Variants in FSD1L observed in about 807,000 individuals in gnomAD.
FSD1L encodes the protein FSD1-like protein.
Under a neutral mutation model 71.6 loss-of-function variants are expected in FSD1L, and 45 were observed. The observed-to-expected ratio is 0.63, with a 90% CI of 0.49 to 0.81. The LOEUF (loss-of-function observed/expected upper bound fraction) is 0.81, where lower values mean the gene tolerates loss of function less well. FSD1L is among the 30% of genes least tolerant of loss of function. The pLI is 0.00. For missense variants in FSD1L, 561 were observed against 618.1 expected, an observed-to-expected ratio of 0.91 and a Z score of 0.98; for synonymous variants, 197 against 207.2, an observed-to-expected ratio of 0.95 and a Z score of 0.42.
At chr9:105,538,392 A>G (rs1304660838) in intron 12 of FSD1L, among the ~76,000 whole-genome samples, 3 of 152,162 alleles carry the variant, frequency 2.0e-5, no homozygotes, top group Admixed American at 1.3e-4. Context: ...TTGATTTATT[A>G]AGGAAGCATT....
chr9:105,494,450 C>G (rs1833201880), intron 7 of FSD1L, among the ~76,000 whole-genome samples: 1 of 152,162 alleles, frequency 6.6e-6, no homozygotes, highest in Non-Finnish European at 1.5e-5. Flanking sequence ...GTTTGAATTT[C>G]CTCCTGTAGC....
intron 9 of FSD1L, among the ~76,000 whole-genome samples, chr9:105,511,827 C>T (rs1834411185): frequency 6.6e-6 from 1 of 152,070 alleles, no homozygotes; most frequent in African/African-American, 2.4e-5. Context: ...AGTTCACAGA[C>T]ACACTGAAGC....
chr9:105,450,812 C>T (rs1241868841), intron 1 of FSD1L, among the ~76,000 whole-genome samples: 2 of 152,212 alleles, frequency 1.3e-5, no homozygotes, highest in African/African-American at 4.8e-5. Flanking sequence ...GCTGCGATTA[C>T]AGGCTTGAGC....
chr9:105,519,216 A>G (rs1834949213), intron 10 of FSD1L, among the ~76,000 whole-genome samples: 1 of 152,218 alleles, frequency 6.6e-6, no homozygotes, highest in African/African-American at 2.4e-5. Context: ...GCCAAATTCT[A>G]CCAGAGGTAC....
At chr9:105,496,681 A>G (rs1344598935) in intron 7 of FSD1L, among the ~76,000 whole-genome samples, 1 of 152,166 alleles carries the variant, frequency 6.6e-6, no homozygotes, top group Non-Finnish European at 1.5e-5. Context: ...TTTAATTTCA[A>G]ATTTCACTTG....
intron 10 of FSD1L, chr9:105,530,858 T>A (rs1055673116): frequency 1.6e-5 from 6 of 378,022 alleles, no homozygotes; most frequent in Non-Finnish European, 2.9e-5. Context: ...TAATTGATAG[T>A]ATCACATACT....
At position 105,448,189 on chromosome 9, in the gene FSD1L, G is replaced by A; in HGVS notation, c.-32G>A. The A allele has an allele frequency of 1.3e-6, 2 of 1,543,088 alleles. No homozygotes were observed. Among genetic ancestry groups the A allele is most frequent in the Non-Finnish European group, 1.8e-6 (2 of 1,142,740 alleles). ...GCCTCCTCACACGGTTCGTCGTCTC[G>A]GGTTCGAGCCCAGTGGGCTTAGCCA... On this transcript the variant is annotated 5_prime_UTR_variant, in exon 1 of 14. Transcript: ENST00000481272.
chr9:105,475,944 A>T (rs116386104), intron 5 of FSD1L, among the ~76,000 whole-genome samples: 1 of 152,186 alleles, frequency 6.6e-6, no homozygotes, highest in Non-Finnish European at 1.5e-5. Flanking sequence ...TTTTTGCCTA[A>T]AGGAAAATAA....
At chr9:105,491,582 T>C (rs1046871827) in intron 7 of FSD1L, among the ~76,000 whole-genome samples, 3 of 152,150 alleles carry the variant, frequency 2.0e-5, no homozygotes, top group African/African-American at 7.2e-5. Context: ...GTGCCAGTTT[T>C]CAAAGGGAAT....
intron 9 of FSD1L, among the ~76,000 whole-genome samples, chr9:105,509,841 T>C (rs1012157946): frequency 6.6e-6 from 1 of 152,212 alleles, no homozygotes. Context: ...TGAGATGTTA[T>C]TGTGGTTTCT....
At position 105,492,586 on chromosome 9, in the gene FSD1L, G is replaced by T. The variant is rs184678592; in HGVS notation, c.586+8084G>T. ...TTGCTTTTCTAGTTCTTTTAATTGT[G>T]ATGTTAGGGTGTGAATTTTGGATCT... is the stretch of plus-strand genomic sequence containing the variant. On this transcript the variant is annotated intron_variant, in intron 7 of 13. Coordinates refer to ENST00000481272, the MANE Select transcript of FSD1L (RefSeq NM_001145313.3). Among the ~76,000 whole-genome samples, 13 of 152,206 alleles carry T rather than the reference G, an allele frequency of 8.5e-5. 1 individual carries two copies. Among genetic ancestry groups the T allele is most frequent in the Non-Finnish European group, 1.8e-4 (12 of 68,008 alleles).
intron 4 of FSD1L, among the ~76,000 whole-genome samples, chr9:105,471,682 T>C (rs1831471177): frequency 6.8e-6 from 1 of 147,944 alleles, no homozygotes; most frequent in African/African-American, 2.5e-5. Context: ...AGTATTAAGA[T>C]AATTAAAATT....
chr9:105,492,057 A>C lies in FSD1L; in HGVS notation c.586+7555A>C, dbSNP rs561315969. ...TTCCTTCTTTTTTATTGATTGGAATAGTTTCAGAAGGAATGGTACCAGTTC... is the reference window on the plus strand; with the variant it reads ...TTCCTTCTTTTTTATTGATTGGAATCGTTTCAGAAGGAATGGTACCAGTTC... On this transcript the variant is annotated intron_variant, in intron 7 of 13. Transcript: ENST00000481272. Among the ~76,000 whole-genome samples the C allele has an allele frequency of 2.1e-3, 314 of 152,078 alleles. 2 individuals carry two copies. Among genetic ancestry groups the C allele is most frequent in the African/African-American group, 7.1e-3 (292 of 41,366 alleles).
At chr9:105,537,700 G>T (rs1331377145) in intron 12 of FSD1L, among the ~76,000 whole-genome samples, 1 of 152,094 alleles carries the variant, frequency 6.6e-6, no homozygotes, top group Non-Finnish European at 1.5e-5. Context: ...AAATATTAGA[G>T]AGTCAGTGGT....
chr9:105,458,139 T>G (rs1284628492), intron 1 of FSD1L, among the ~76,000 whole-genome samples: 1 of 152,154 alleles, frequency 6.6e-6, no homozygotes, highest in Non-Finnish European at 1.5e-5. Context: ...CCAATCCCGT[T>G]GTCACTTGCT....
chr9:105,449,053 T>C (rs1253168263), intron 1 of FSD1L, among the ~76,000 whole-genome samples: 1 of 152,212 alleles, frequency 6.6e-6, no homozygotes, highest in African/African-American at 2.4e-5. Flanking sequence ...TATAACGTAA[T>C]TGAAATATAG....
upstream of FSD1L, chr9:105,447,983 G>A (rs1004683821): frequency 5.5e-6 from 3 of 545,700 alleles, no homozygotes; most frequent in Non-Finnish European, 9.7e-6. Context: ...GCAGTCAGCC[G>A]CTGCGCGCAG....
chr9:105,552,313 A>G lies in FSD1L; in HGVS notation c.*5830A>G, dbSNP rs1373348207. 6.6e-6 allele frequency: 1 copy of G among 152,156 alleles called. No homozygotes were observed. Among genetic ancestry groups the G allele is most frequent in the Non-Finnish European group, 1.5e-5 (1 of 68,012 alleles). 9.4% of individuals were successfully genotyped at this position (152,156 alleles called of 1,614,324 possible). A position where few individuals can be genotyped will look rare whatever the true frequency, so the allele number is the denominator to read the frequency against. ...TTAAAATGTTTTTTTTTCACTTTAAAATAGGGTATTCAAAGTGGAGTAACG... is the reference window on the plus strand; with the variant it reads ...TTAAAATGTTTTTTTTTCACTTTAAGATAGGGTATTCAAAGTGGAGTAACG... On this transcript the variant is annotated 3_prime_UTR_variant, in exon 14 of 14. Coordinates refer to ENST00000481272, the MANE Select transcript of FSD1L (RefSeq NM_001145313.3).
At chr9:105,538,130 A>G (rs1836380714) in intron 12 of FSD1L, among the ~76,000 whole-genome samples, 1 of 152,230 alleles carries the variant, frequency 6.6e-6, no homozygotes, top group African/African-American at 2.4e-5. Flanking sequence ...AGAATTCAGC[A>G]GTTAAGTAGA....
Sources: gnomAD v4.1 joint callset for allele counts (sites outside exome capture counted in the v4.1 genomes callset) on GRCh38, gnomAD v4.1.1 for gene constraint, MANE v1.5 for transcripts, NCBI Gene and HGNC (gene_info 2026-07-23, HGNC 2026-07-21) for gene names.